MCF2L: variants seen among roughly 807,000 people sequenced by gnomAD.
The protein encoded by MCF2L is guanine nucleotide exchange factor DBS.
In MCF2L, 97 loss-of-function variants were observed where a neutral mutation model predicts 153.4. That is an observed-to-expected ratio of 0.63 (90% CI 0.54 to 0.75). The LOEUF (loss-of-function observed/expected upper bound fraction) is 0.75, where lower values mean the gene tolerates loss of function less well. MCF2L is among the 30% of genes least tolerant of loss of function. The pLI is 0.00. For synonymous variants in MCF2L, 659 were observed against 632.2 expected (o/e 1.04, Z -0.64); for missense variants, 1,347 against 1,495.2 (o/e 0.90, Z 1.64).
rs2035680117 is a variant in MCF2L at position 113,096,579 on chromosome 13, A to G, written c.3218A>G (p.Glu1073Gly). Residue 1073 changes from glutamate (E) to glycine (G), a missense_variant, in exon 29 of 30, where the codon GAG becomes GGG. Around this residue, in one of 3 missense-constraint regions of MCF2L, gnomAD observed 383 missense variants for 335.4 expected, o/e 1.14. Coordinates refer to ENST00000535094, the MANE Select transcript of MCF2L (RefSeq NM_001112732.3). ...GTCAGGGACCCGACCACTGGCAAGG[A>G]GGGCTGGGTGCCGGCCAGCAGCCTG... ...WYVRDPTTGK[E>G]GWVPASSLSV... The G allele has an allele frequency of 6.2e-7, 1 of 1,604,454 alleles. No individual in the cohort carries two copies. The highest frequency in any genetic ancestry group is 8.5e-7 in the Non-Finnish European group (1 of 1,178,380).
At chr13:113,086,282 G>T in intron 21 of MCF2L, 33 bp downstream of exon 21, 4 of 1,604,198 alleles carry the variant, frequency 2.5e-6, no homozygotes, top group Non-Finnish European at 3.4e-6. Context: ...CTTCCCCGCC[G>T]CCTCCGTGGA....
upstream of MCF2L, chr13:112,968,945 C>A (rs1317306440): frequency 6.2e-6 from 3 of 486,026 alleles, no homozygotes; most frequent in Non-Finnish European, 1.0e-5. Flanking sequence ...CTGTGTGATA[C>A]ACTAGGTGAC....
intron 27 of MCF2L, chr13:113,095,419 G>A: frequency 9.2e-7 from 1 of 1,090,002 alleles, no homozygotes; most frequent in African/African-American, 1.7e-5. Flanking sequence ...GGACACAGAG[G>A]CGGAGGCCAC....
At position 113,076,112 on chromosome 13, in the gene MCF2L, C is replaced by G. The variant is rs116760356; in HGVS notation, c.1455C>G (p.Asn485Lys). The G allele has an allele frequency of 1.0e-3, 1,642 of 1,613,962 alleles. 21 individuals are homozygous for G. The African/African-American group carries it at 0.018, about 18-fold the overall frequency. ...CGGAAAATAAGATCCAGGAGCTCAA[C>G]GCGATTTACAAGGAATACGAATCCA... ...TGAENKIQEL[N>K]AIYKEYESIL... Residue 485 changes from asparagine to lysine, a missense_variant, in exon 12 of 30, where the codon AAC (asparagine) becomes AAG (lysine). Transcript: ENST00000535094.
At chr13:112,902,331 G>C in exon 2 of MCF2L, 7 of 1,612,916 alleles carry the variant, frequency 4.3e-6, no homozygotes, top group Non-Finnish European at 5.9e-6. Context: ...ACGTCATCAG[G>C]CTTGTTCAAG....
At chr13:112,979,578 G>A in intron 1 of MCF2L, 6 of 1,586,784 alleles carry the variant, frequency 3.8e-6, no homozygotes, top group Non-Finnish European at 5.1e-6. Context: ...CGAAGGCTGT[G>A]GCTCTAGCAT....
intron 3 of MCF2L, among the ~76,000 whole-genome samples, chr13:113,026,677 C>T (rs1007773657): frequency 2.0e-5 from 3 of 152,268 alleles, no homozygotes; most frequent in African/African-American, 7.2e-5. Flanking sequence ...CACGTGGCCT[C>T]TCTGTGTCGT....
chr13:113,090,882 C>T (rs1331837963), intron 26 of MCF2L: 31 of 1,164,596 alleles, frequency 2.7e-5, no homozygotes, highest in Non-Finnish European at 3.1e-5. Flanking sequence ...GAGACGGGCC[C>T]CGAAAGGACG....
chr13:113,017,155 C>A (rs2084581851), intron 2 of MCF2L, among the ~76,000 whole-genome samples: 1 of 152,250 alleles, frequency 6.6e-6, no homozygotes, highest in Non-Finnish European at 1.5e-5. Flanking sequence ...CCCCTCCTCA[C>A]CACGTCCAGC....
At chr13:112,932,000 C>G (rs987637888) in intron 2 of MCF2L, among the ~76,000 whole-genome samples, 2 of 152,208 alleles carry the variant, frequency 1.3e-5, no homozygotes, top group African/African-American at 2.4e-5. Context: ...AGATAAGTCT[C>G]CCTTGCAGAA....
chr13:113,096,418 C>A lies in MCF2L; in HGVS notation c.3123C>A (p.Pro1041=). The change falls in exon 28 of 30, where the codon CCC becomes CCA. Residue 1041 remains proline (P), a synonymous_variant. Coordinates refer to ENST00000535094, the MANE Select transcript of MCF2L (RefSeq NM_001112732.3). ...TGGCGGACCACGAGAAGGGAGGCCC[C>A]GATGCGCTGCGCGTGAGGAGCGGGG... ...TVVADHEKGG[P]DALRVRSGDV... 1 of 1,595,528 alleles carries A rather than the reference C, an allele frequency of 6.3e-7. No homozygotes were observed. Among genetic ancestry groups the A allele is most frequent in the East Asian group, 2.3e-5 (1 of 43,964 alleles).
At position 113,024,666 on chromosome 13, in the gene MCF2L, C is replaced by A. The variant is rs1327501071; in HGVS notation, c.186C>A (p.Ser62Arg). Residue 62 changes from serine to arginine, a missense_variant, in exon 3 of 30, where the codon AGC becomes AGA. By Grantham distance (110) the Ser-to-Arg change is moderately radical. This residue lies in a region of MCF2L where 820 missense variants were observed against 921.2 expected (regional missense o/e 0.89). Coordinates refer to ENST00000535094, the MANE Select transcript of MCF2L (RefSeq NM_001112732.3). Reference protein sequence around the residue: ...YLSGGRGQDGSPVITFPDYPA... With the variant: ...YLSGGRGQDGRPVITFPDYPA... ...CAGGTGGGCGGGGGCAGGACGGAAG[C>A]CCGGTTATCACCTTCCCTGACTACC... 1 of 1,614,024 alleles carries A rather than the reference C, an allele frequency of 6.2e-7. No individual in the cohort carries two copies. Among genetic ancestry groups the A allele is most frequent in the Non-Finnish European group, 8.5e-7 (1 of 1,179,940 alleles).
intron 2 of MCF2L, among the ~76,000 whole-genome samples, chr13:112,926,326 C>A (rs369448789): frequency 6.6e-6 from 1 of 151,538 alleles, no homozygotes; most frequent in African/African-American, 2.4e-5. Flanking sequence ...GAGTGCAGTA[C>A]GGCCTGGTCT....
At chr13:112,977,551 A>G (rs1295459920) in intron 1 of MCF2L, among the ~76,000 whole-genome samples, 1 of 152,198 alleles carries the variant, frequency 6.6e-6, no homozygotes, top group Non-Finnish European at 1.5e-5. Flanking sequence ...AATTAGTAAC[A>G]TCTTTAAAAC....
Position 113,046,886 on chromosome 13 carries a change from G to A in MCF2L, c.369+1525G>A, listed in dbSNP as rs528560877. 5.2e-5 allele frequency: 15 copies of A among 287,344 alleles called. No individual in the cohort carries two copies. Among genetic ancestry groups the A allele is most frequent in the East Asian group, 2.2e-4 (2 of 9,118 alleles). 17.8% of individuals were successfully genotyped at this position (287,344 alleles called of 1,614,324 possible). On this transcript the variant is annotated intron_variant, in intron 4 of 29. Coordinates refer to ENST00000535094, the MANE Select transcript of MCF2L (RefSeq NM_001112732.3). The surrounding 1 kb of genome is among the most constrained non-coding windows in gnomAD (Gnocchi z 4.4). ...CTTCCTTTGTTTTAACAGTGCGTTC[G>A]TTTGCTTTTGCGTCACTATAAAGAC... is the stretch of plus-strand genomic sequence containing the variant.
rs1053075903 is a variant in MCF2L, at chr13:112,907,012, C to T, written c.169+4641C>T. 2.8e-4 allele frequency among the ~76,000 whole-genome samples: 42 copies of T among 152,186 alleles called. No individual in the cohort carries two copies. Among genetic ancestry groups the T allele is most frequent in the Admixed American group, 2.6e-4 (4 of 15,278 alleles). On this transcript the variant is annotated intron_variant, in intron 2 of 29. Transcript: ENST00000375608. The surrounding 1 kb of genome is among the most constrained non-coding windows in gnomAD (Gnocchi z 5.1). ...TGAAGAAGAGCAGCGAAGAAACAGA[C>T]ACATTTGCCGCCTTGGGTGGAGTCG...
rs372660809 is a variant in MCF2L, at chr13:113,024,778, G to A, written c.278+20G>A. The stretch of plus-strand genomic sequence containing the variant: ...CCCCAGGTACGTGCACCCAGAGCCC[G>A]GCAGACATTGTGGTTTGGGGCAGAG... On this transcript the variant is annotated intron_variant, in intron 3 of 29. Transcript: ENST00000535094. 13 of 1,586,584 alleles carry A rather than the reference G, an allele frequency of 8.2e-6. No individual in the cohort carries two copies. The highest frequency in any genetic ancestry group is 5.4e-5 in the African/African-American group (4 of 74,346).
chr13:113,010,812 G>A (rs1342589505), intron 1 of MCF2L, among the ~76,000 whole-genome samples: 1 of 152,212 alleles, frequency 6.6e-6, no homozygotes, highest in Non-Finnish European at 1.5e-5. Context: ...GCACATACGG[G>A]TCAGGGGCCC....
intron 11 of MCF2L, 107 bp downstream of exon 11, chr13:113,075,296 G>T: frequency 9.7e-7 from 1 of 1,028,270 alleles, no homozygotes; most frequent in Non-Finnish European, 1.4e-6. Flanking sequence ...CAGCTCTTTG[G>T]CTGGAAAATG....
Sources: gnomAD v4.1 joint callset for allele counts (sites outside exome capture counted in the v4.1 genomes callset) on GRCh38, gnomAD v4.1.1 for gene constraint, gnomAD v4.1.1 regional missense constraint, Gnocchi (gnomAD v3.1) non-coding constraint, MANE v1.5 for transcripts, NCBI Gene and HGNC (gene_info 2026-07-23, HGNC 2026-07-21) for gene names.